VPS13D: variants seen among roughly 807,000 people sequenced by gnomAD.
VPS13D encodes vacuolar protein sorting 13 homolog D, also known as intermembrane lipid transfer protein VPS13D.
In VPS13D, 187 loss-of-function variants were observed where a neutral mutation model predicts 461.9. The ratio of observed to expected loss-of-function variants is 0.40; its 90% CI spans 0.36 to 0.46. The LOEUF is 0.46. Ranked by LOEUF, VPS13D falls within the 20% of genes least tolerant of loss-of-function variation. The pLI, the probability that VPS13D is intolerant of heterozygous loss-of-function variation, is 0.60. For missense variants in VPS13D, 4,711 were observed against 5,364.9 expected (o/e 0.88, Z 3.81); for synonymous variants, 1,951 against 1,986.3 (o/e 0.98, Z 0.47).
At chr1:12,361,395 A>ATTTTAT (rs796776170) in intron 50 of VPS13D, among the ~76,000 whole-genome samples, 2 of 133,376 alleles carry the variant, frequency 1.5e-5, no homozygotes, top group South Asian at 4.4e-4. Flanking sequence ...TTATTTATTT[A>ATTTTAT]TTTATTTATT....
chr1:12,357,357 T>G (rs1167699665), intron 49 of VPS13D, among the ~76,000 whole-genome samples: 1 of 152,224 alleles, frequency 6.6e-6, no homozygotes, highest in Non-Finnish European at 1.5e-5. Flanking sequence ...TTGTAGGGGA[T>G]GCAGCCAGCC....
In VPS13D at chr1:12,276,285, T is replaced by C. The variant is rs1641608994; in HGVS notation, c.2697T>C (p.Ala899=). Reference sequence around the variant, plus strand: ...TATCTGCACTAAAGAATTGCTTTGCTCTCCTCACCACCCCAGAAATGAAAA... The same window carrying C: ...TATCTGCACTAAAGAATTGCTTTGCCCTCCTCACCACCCCAGAAATGAAAA... ...DKISALKNCF[A]LLTTPEMKTS... Residue 899 remains alanine, a synonymous_variant, in exon 19 of 70, where the codon GCT becomes GCC. Transcript: ENST00000620676. The surrounding 1 kb of genome is among the most constrained non-coding windows in gnomAD (Gnocchi z 4.5). 6.2e-7 allele frequency: 1 copy of C among 1,614,022 alleles called. No homozygotes were observed. The highest frequency in any genetic ancestry group is 8.5e-7 in the Non-Finnish European group (1 of 1,180,038).
rs200652519 is a variant in VPS13D, at chr1:12,261,940, G to A, written c.1454G>A (p.Cys485Tyr). 6 of 1,613,774 alleles carry A rather than the reference G, an allele frequency of 3.7e-6. No homozygotes were observed. The highest frequency in any genetic ancestry group is 5.1e-6 in the Non-Finnish European group (6 of 1,179,846). ...TTTGACCCCACTGCAGATGCCTCGT[G>A]TATGAACACGTATACAAAGCGAGAT... ...EFFDPTADAS[C>Y]MNTYTKRDHV... The change falls in exon 13 of 70, where the codon TGT becomes TAT. Residue 485 changes from cysteine to tyrosine, a missense_variant. Transcript: ENST00000620676.
chr1:12,395,996 G>GATATATATATATATATAT (rs58476786), intron 60 of VPS13D, among the ~76,000 whole-genome samples: 98 of 73,740 alleles, frequency 1.3e-3, no homozygotes, highest in Non-Finnish European at 1.6e-3. Context: ...ACTAATAGGA[G>GATATATATATATATATAT]ATATATATAT....
chr1:12,319,768 T>G (rs1455269890), intron 32 of VPS13D, 138 bp downstream of exon 32: 2 of 1,281,640 alleles, frequency 1.6e-6, no homozygotes, highest in African/African-American at 3.0e-5. Context: ...TTTTCCTCTT[T>G]GTTTTCTCCC....
At chr1:12,508,169 G>A (rs1480761645) in intron 69 of VPS13D, among the ~76,000 whole-genome samples, 4 of 152,200 alleles carry the variant, frequency 2.6e-5, no homozygotes, top group Non-Finnish European at 4.4e-5. Flanking sequence ...TGTAGCAGGT[G>A]GGCAGCCTCG....
chr1:12,371,390 C>CTT (rs1286829007), intron 54 of VPS13D, among the ~76,000 whole-genome samples: 57 of 135,226 alleles, frequency 4.2e-4, no homozygotes, highest in Admixed American at 1.0e-3. Context: ...ATGCTTCATT[C>CTT]TTTTTTTTTT....
chr1:12,476,838 G>A (rs145187988), intron 67 of VPS13D, among the ~76,000 whole-genome samples: 6 of 152,272 alleles, frequency 3.9e-5, no homozygotes, highest in Non-Finnish European at 5.9e-5. Flanking sequence ...ATTAAGATTC[G>A]GAATGGCAAA....
chr1:12,300,811 A>G (rs571961154), intron 25 of VPS13D, among the ~76,000 whole-genome samples: 1 of 152,102 alleles, frequency 6.6e-6, no homozygotes, highest in Non-Finnish European at 1.5e-5. Flanking sequence ...GCATTTGAGG[A>G]GACTGAGTGA....
At chr1:12,483,558 A>G (rs917316367) in intron 67 of VPS13D, among the ~76,000 whole-genome samples, 6 of 152,012 alleles carry the variant, frequency 3.9e-5, no homozygotes, top group Admixed American at 3.9e-4. Flanking sequence ...TTTGTCATCC[A>G]TGTAAGTACA....
At position 12,511,477 on chromosome 1, in the gene VPS13D, G is replaced by A. The variant is rs1200982027; in HGVS notation, c.*2453G>A. On this transcript the variant is annotated 3_prime_UTR_variant, in exon 70 of 70. Coordinates refer to ENST00000620676, the MANE Select transcript of VPS13D (RefSeq NM_015378.4). The surrounding 1 kb of genome is among the most constrained non-coding windows in gnomAD (Gnocchi z 4.5). ...AGGCCCTGCCCCTGGCTCCTTAAAT[G>A]CCCCGTCTCTTTGTAAACTGATATT... 3 of 152,164 alleles carry A rather than the reference G, an allele frequency of 2.0e-5. No homozygotes were observed. Among genetic ancestry groups the A allele is most frequent in the Non-Finnish European group, 4.4e-5 (3 of 68,040 alleles). 9.4% of individuals were successfully genotyped at this position (152,164 alleles called of 1,614,324 possible).
At position 12,318,066 on chromosome 1, in the gene VPS13D, T is replaced by C; in HGVS notation, c.7149-6T>C. On this transcript the variant is annotated splice_region_variant and splice_polypyrimidine_tract_variant and intron_variant, in intron 30 of 69. Coordinates refer to ENST00000620676, the MANE Select transcript of VPS13D (RefSeq NM_015378.4). ...CTATTTATTTTCTCCTGTCTTCTTT[T>C]TATAGATCTACCAAGGATTCCTCCT... The C allele has an allele frequency of 6.3e-7, 1 of 1,597,596 alleles. No homozygotes were observed. The highest frequency in any genetic ancestry group is 8.6e-7 in the Non-Finnish European group (1 of 1,168,866).
At chr1:12,292,503 G>T (rs1463819835) in intron 23 of VPS13D, among the ~76,000 whole-genome samples, 1 of 136,886 alleles carries the variant, frequency 7.3e-6, no homozygotes, top group Admixed American at 8.2e-5. Flanking sequence ...GCAGTAGTGT[G>T]ATCTCAGCTC....
At chr1:12,361,685 A>G (rs992714510) in intron 50 of VPS13D, among the ~76,000 whole-genome samples, 2 of 151,674 alleles carry the variant, frequency 1.3e-5, no homozygotes, top group African/African-American at 4.8e-5. Flanking sequence ...GTGAGCCACC[A>G]CGCCCGGCCT....
At chr1:12,378,375 G>C in intron 55 of VPS13D, 53 bp from the exon 56 acceptor site, 1 of 1,497,770 alleles carries the variant, frequency 6.7e-7, no homozygotes, top group Non-Finnish European at 8.9e-7. Flanking sequence ...TGAGGAGCTA[G>C]CTGTGGCTGC....
chr1:12,348,449 T>C (rs1057027028), intron 44 of VPS13D, among the ~76,000 whole-genome samples: 3 of 152,234 alleles, frequency 2.0e-5, no homozygotes, highest in African/African-American at 7.2e-5. Context: ...TCAAGGATAA[T>C]TTCCAGCAGA....
chr1:12,236,396 T>A (rs1640148112), intron 2 of VPS13D, among the ~76,000 whole-genome samples: 1 of 152,070 alleles, frequency 6.6e-6, no homozygotes, highest in African/African-American at 2.4e-5. Flanking sequence ...TTTCTTTTTT[T>A]TTGAGACAGG....
At chr1:12,357,531 C>T (rs1643896380) in intron 49 of VPS13D, among the ~76,000 whole-genome samples, 2 of 152,186 alleles carry the variant, frequency 1.3e-5, no homozygotes. Flanking sequence ...CCCACCATCC[C>T]AATGGTTTAG....
rs1642747778 is a variant in VPS13D at position 12,311,506 on chromosome 1, G to A, written c.6703G>A (p.Val2235Ile). ...ATCTATCCATGGCAATCTCTCCTCA[G>A]TCCACTGCTCTCTGGATCTGTATAA... is the stretch of plus-strand genomic sequence containing the variant. The part of the protein sequence containing the change: ...DISIHGNLSS[V>I]HCSLDLYKYK... Residue 2235 changes from valine to isoleucine, a missense_variant, in exon 28 of 70, where the codon GTC becomes ATC. By Grantham distance (29) the Val-to-Ile change is conservative. Coordinates refer to ENST00000620676, the MANE Select transcript of VPS13D (RefSeq NM_015378.4). 6.2e-7 allele frequency: 1 copy of A among 1,614,102 alleles called. No individual in the cohort carries two copies. Among genetic ancestry groups the A allele is most frequent in the Non-Finnish European group, 8.5e-7 (1 of 1,180,008 alleles).
Sources: allele counts gnomAD v4.1 joint callset (sites outside exome capture counted in the v4.1 genomes callset), GRCh38; gene constraint gnomAD v4.1.1; non-coding constraint Gnocchi (gnomAD v3.1); transcripts MANE v1.5; gene names NCBI Gene and HGNC (gene_info 2026-07-23, HGNC 2026-07-21).